Variants in ZFAND3 observed in about 807,000 individuals in gnomAD.
ZFAND3 encodes zinc finger AN1-type containing 3.
Under a neutral mutation model 29.6 loss-of-function variants are expected in ZFAND3, and 10 were observed. That is an observed-to-expected ratio of 0.34 (90% CI 0.21 to 0.57). ZFAND3 has a LOEUF of 0.57. Among genes scored for constraint, ZFAND3 ranks in the 20% least tolerant of loss-of-function variants. The pLI is 0.86. For synonymous variants in ZFAND3, 128 were observed against 112.6 expected, an observed-to-expected ratio of 1.14 and a Z score of -0.87; for missense variants, 230 against 304.5, an observed-to-expected ratio of 0.76 and a Z score of 1.82.
chr6:38,153,919 A>G lies in ZFAND3; in HGVS notation c.*1530A>G, dbSNP rs1013491943. 2.6e-5 allele frequency: 26 copies of G among 985,336 alleles called. No homozygotes were observed. The African/African-American group carries it at 4.4e-4, about 17-fold the overall frequency. The allele number at this position is 985,336 out of a possible 1,614,324, so 61.0% of individuals were successfully genotyped here. On this transcript the variant is annotated 3_prime_UTR_variant, in exon 6 of 6. Transcript: ENST00000287218. ...GCAACTTTCCTTTTTATAAAACAAC[A>G]AATGGTTCAACTCTGTCTGCAAATT...
intron 4 of ZFAND3, among the ~76,000 whole-genome samples, chr6:38,094,929 T>C (rs1001753459): frequency 1.2e-4 from 19 of 152,172 alleles, no homozygotes; most frequent in African/African-American, 4.6e-4. Context: ...CCAATGAGCA[T>C]TTCCTTTGAG....
chr6:37,922,404 ATATT>A (rs1453191231), intron 1 of ZFAND3, among the ~76,000 whole-genome samples: 7 of 152,230 alleles, frequency 4.6e-5, no homozygotes, highest in African/African-American at 1.2e-4. Context: ...TTTTTGAAGA[ATATT>A]TAAGGCGTGA....
At chr6:37,841,296 T>C (rs1362240228) in intron 1 of ZFAND3, among the ~76,000 whole-genome samples, 1 of 152,188 alleles carries the variant, frequency 6.6e-6, no homozygotes, top group Admixed American at 6.5e-5. Context: ...AAATCAAGAA[T>C]TGTACATCCA....
At chr6:37,870,185 T>G (rs1255584572) in intron 1 of ZFAND3, among the ~76,000 whole-genome samples, 1 of 150,952 alleles carries the variant, frequency 6.6e-6, no homozygotes, top group African/African-American at 2.4e-5. Context: ...GGCACACGCC[T>G]GTAGTCCCAG....
chr6:37,905,534 T>A (rs1765392097), intron 1 of ZFAND3, among the ~76,000 whole-genome samples: 1 of 152,156 alleles, frequency 6.6e-6, no homozygotes, highest in Non-Finnish European at 1.5e-5. Context: ...TGTGTCATAC[T>A]AAAGATCTTT....
intron 2 of ZFAND3, among the ~76,000 whole-genome samples, chr6:38,024,853 GT>G (rs1281105044): frequency 6.6e-6 from 1 of 152,200 alleles, no homozygotes; most frequent in Non-Finnish European, 1.5e-5. Flanking sequence ...TTCCTTTTGG[GT>G]TGATGAAAAT....
At chr6:38,103,451 A>G (rs1765140225) in intron 4 of ZFAND3, among the ~76,000 whole-genome samples, 1 of 73,442 alleles carries the variant, frequency 1.4e-5, no homozygotes, top group South Asian at 5.0e-4. Flanking sequence ...GTATATATAT[A>G]CACACATATA....
chr6:38,145,214 C>T (rs986429228), intron 5 of ZFAND3, among the ~76,000 whole-genome samples: 1 of 152,208 alleles, frequency 6.6e-6, no homozygotes, highest in African/African-American at 2.4e-5. Context: ...CCAGCGGACG[C>T]TACTTGACTT....
chr6:38,104,310 G>A (rs1765165922), intron 4 of ZFAND3, among the ~76,000 whole-genome samples: 2 of 150,480 alleles, frequency 1.3e-5, no homozygotes, highest in African/African-American at 2.5e-5. Flanking sequence ...CTCTCGGGGT[G>A]GTTGAGAAGA....
chr6:37,844,104 T>C (rs748404956), intron 1 of ZFAND3, among the ~76,000 whole-genome samples: 5 of 152,008 alleles, frequency 3.3e-5, no homozygotes, highest in Non-Finnish European at 5.9e-5. Flanking sequence ...TTTCTTTTTT[T>C]TGTGAAGACA....
chr6:37,849,399 TTTA>T (rs961326990), intron 1 of ZFAND3, among the ~76,000 whole-genome samples: 3 of 152,168 alleles, frequency 2.0e-5, no homozygotes, highest in African/African-American at 7.2e-5. Context: ...CATTAGTATT[TTTA>T]TTATTTTTCT....
intron 5 of ZFAND3, chr6:38,142,202 T>A: frequency 2.1e-6 from 1 of 471,286 alleles, no homozygotes; most frequent in Non-Finnish European, 4.4e-6. Flanking sequence ...GTGATCCCAG[T>A]GTGTTGATTG....
intron 4 of ZFAND3, among the ~76,000 whole-genome samples, chr6:38,086,962 A>G (rs1198890853): frequency 6.6e-6 from 1 of 152,236 alleles, no homozygotes; most frequent in African/African-American, 2.4e-5. Context: ...TATACTAACC[A>G]GAACAACCTC....
intron 2 of ZFAND3, among the ~76,000 whole-genome samples, chr6:37,973,184 G>A (rs11756030): frequency 0.055 from 8,396 of 152,156 alleles, 336 homozygotes; most frequent in Non-Finnish European, 0.087. Context: ...ACAACTTTGA[G>A]TCCCATAGAT....
At chr6:37,922,469 A>G (rs1033543484) in intron 1 of ZFAND3, among the ~76,000 whole-genome samples, 5 of 152,222 alleles carry the variant, frequency 3.3e-5, no homozygotes, top group Admixed American at 3.3e-4. Flanking sequence ...GTAGATTTTC[A>G]TTATGCATTT....
At chr6:37,964,140 A>G (rs1173595788) in intron 2 of ZFAND3, among the ~76,000 whole-genome samples, 1 of 151,996 alleles carries the variant, frequency 6.6e-6, no homozygotes, top group African/African-American at 2.4e-5. Flanking sequence ...TTGAGTGCAA[A>G]TCTTTCCTCA....
intron 2 of ZFAND3, among the ~76,000 whole-genome samples, chr6:37,941,184 A>G (rs574756607): frequency 2.6e-5 from 4 of 152,360 alleles, no homozygotes; most frequent in Non-Finnish European, 2.9e-5. Context: ...GATTTGATCA[A>G]TGGAAGTTTA....
At chr6:37,930,059 G>A in intron 2 of ZFAND3, 60 bp downstream of exon 2, 1 of 1,275,990 alleles carries the variant, frequency 7.8e-7, no homozygotes, top group Non-Finnish European at 1.0e-6. Context: ...TTTTTTTTTT[G>A]GTTCTTTTTA....
At chr6:38,023,199 A>G (rs1763383156) in intron 2 of ZFAND3, among the ~76,000 whole-genome samples, 1 of 152,236 alleles carries the variant, frequency 6.6e-6, no homozygotes, top group Admixed American at 6.5e-5. Flanking sequence ...GGAGGGTTTT[A>G]TCCTTCCGAT....
Sources: allele counts gnomAD v4.1 joint callset (sites outside exome capture counted in the v4.1 genomes callset), GRCh38; gene constraint gnomAD v4.1.1; transcripts MANE v1.5; gene names NCBI Gene and HGNC (gene_info 2026-07-23, HGNC 2026-07-21).